SLC6A3: variants seen among roughly 807,000 people sequenced by gnomAD.
SLC6A3 encodes the protein solute carrier family 6 member 3.
Under a neutral mutation model 70.4 loss-of-function variants are expected in SLC6A3, and 19 were observed. The ratio of observed to expected loss-of-function variants is 0.27; its 90% CI spans 0.19 to 0.40. The LOEUF is 0.40. Ranked by LOEUF, SLC6A3 falls within the 10% of genes least tolerant of loss-of-function variation. The probability of loss-of-function intolerance (pLI) is 1.00; values close to 1 mark genes in which losing one functional copy is unlikely to be tolerated. For missense variants in SLC6A3, 613 were observed against 838.5 expected (o/e 0.73, Z 3.32); for synonymous variants, 368 against 356.6 (o/e 1.03, Z -0.36).
At chr5:1,420,840 G>T in intron 5 of SLC6A3, 137 bp from the exon 6 acceptor site, 1 of 873,890 alleles carries the variant, frequency 1.1e-6, no homozygotes, top group Non-Finnish European at 1.9e-6. Flanking sequence ...TTCCTGGGAC[G>T]CCAGCTCAGC....
In SLC6A3 at chr5:1,420,592, A is replaced by T; in HGVS notation, c.904T>A (p.Phe302Ile). 6.2e-7 allele frequency: 1 copy of T among 1,613,562 alleles called. No homozygotes were observed. ...ACAGACGCCTCGCAGAGCCGGTAGA[A>T]GTCAACGCTCAGGTATGCTCTGATG... ...DGIRAYLSVDFYRLCEASVWI... is the reference protein window; with the variant it reads ...DGIRAYLSVDIYRLCEASVWI... The change falls in exon 6 of 15, where the codon TTC becomes ATC. Residue 302 changes from phenylalanine (F) to isoleucine (I), a missense_variant. Phe to Ile is a conservative substitution (Grantham distance 21). This residue lies in a region of SLC6A3 where 348 missense variants were observed against 481.2 expected (regional missense o/e 0.72). Coordinates refer to ENST00000270349, the MANE Select transcript of SLC6A3 (RefSeq NM_001044.5).
rs766922265 is a variant in SLC6A3, at chr5:1,405,981, T to C, written c.1599+207A>G. Among the ~76,000 whole-genome samples, 16 of 152,146 alleles carry C rather than the reference T, an allele frequency of 1.1e-4. No homozygotes were observed. The highest frequency in any genetic ancestry group is 1.9e-4 in the East Asian group (1 of 5,178). The stretch of plus-strand genomic sequence containing the variant: ...GGGGTCCAAGACCATGTGAGGTTTT[T>C]TCGGTGGGTCTAGAGGGGAGGGTGG... On this transcript the variant is annotated intron_variant, in intron 12 of 14. Transcript: ENST00000270349. This position sits in a 1 kb window ranked among gnomAD's most constrained non-coding sequence, Gnocchi z 5.3.
At chr5:1,417,278 G>T (rs1756325932) in intron 6 of SLC6A3, among the ~76,000 whole-genome samples, 3 of 151,078 alleles carry the variant, frequency 2.0e-5, no homozygotes, top group Admixed American at 6.6e-5. Flanking sequence ...TCATCCTGAG[G>T]CTACATGATG....
At chr5:1,395,990 C>T (rs1046628130) in intron 14 of SLC6A3, among the ~76,000 whole-genome samples, 3 of 152,172 alleles carry the variant, frequency 2.0e-5, no homozygotes, top group Non-Finnish European at 2.9e-5. Context: ...CTCAATTTGA[C>T]CCCAAAGGAC....
chr5:1,433,716 T>C (rs638577), intron 3 of SLC6A3, among the ~76,000 whole-genome samples: 46,997 of 149,700 alleles, frequency 0.31, 8,199 homozygotes, highest in East Asian at 0.52. Flanking sequence ...CAACTATCCA[T>C]GGTCATCCAT....
Position 1,402,746 on chromosome 5 carries a change from G to A in SLC6A3, c.1767+176C>T, listed in dbSNP as rs558596179. 6.6e-6 allele frequency among the ~76,000 whole-genome samples: 1 copy of A among 152,188 alleles called. No homozygotes were observed. The highest frequency in any genetic ancestry group is 1.9e-4 in the East Asian group (1 of 5,180). ...CATATGGACGCACACCCATGGGCCC[G>A]GGCGTGCAGGTGGACACACACACGC... On this transcript the variant is annotated intron_variant, in intron 13 of 14. Coordinates refer to ENST00000270349, the MANE Select transcript of SLC6A3 (RefSeq NM_001044.5). This position sits in a 1 kb window ranked among gnomAD's most constrained non-coding sequence, Gnocchi z 8.5.
Position 1,393,368 on chromosome 5 carries a change from A to G in SLC6A3, c.*1367T>C, listed in dbSNP as rs1755626931. On this transcript the variant is annotated 3_prime_UTR_variant, in exon 15 of 15. Transcript: ENST00000270349. ...AGTATTGCTAATTATTCTTGTAAAC[A>G]AAAACTGCAATATCAGCAAGCAGGC... 1 of 152,614 alleles carries G rather than the reference A, an allele frequency of 6.6e-6. No homozygotes were observed. The highest frequency in any genetic ancestry group is 2.1e-4 in the South Asian group (1 of 4,844). The allele number at this position is 152,614 out of a possible 1,614,324, so 9.5% of individuals were successfully genotyped here. A position where few individuals can be genotyped will look rare whatever the true frequency, so the allele number is the denominator to read the frequency against.
At chr5:1,428,296 A>G (rs1461886151) in intron 4 of SLC6A3, among the ~76,000 whole-genome samples, 1 of 152,236 alleles carries the variant, frequency 6.6e-6, no homozygotes, top group Non-Finnish European at 1.5e-5. Context: ...TTTGAACTGA[A>G]TGAAATGAAA....
rs1288263690 is a variant in SLC6A3 at position 1,442,654 on chromosome 5, C to T, written c.286+258G>A. ...AGAGCCAAGCTGCCCCGTCTGCCGCCCCCCACCCCCCAGCTTCTTCGCGGG... is the reference window on the plus strand; with the variant it reads ...AGAGCCAAGCTGCCCCGTCTGCCGCTCCCCACCCCCCAGCTTCTTCGCGGG... On this transcript the variant is annotated intron_variant, in intron 2 of 14. Coordinates refer to ENST00000270349, the MANE Select transcript of SLC6A3 (RefSeq NM_001044.5). This position sits in a 1 kb window ranked among gnomAD's most constrained non-coding sequence, Gnocchi z 5.0. 6.6e-6 allele frequency among the ~76,000 whole-genome samples: 1 copy of T among 152,076 alleles called. No homozygotes were observed. Among genetic ancestry groups the T allele is most frequent in the Non-Finnish European group, 1.5e-5 (1 of 67,996 alleles).
In SLC6A3 at chr5:1,396,428, C is replaced by T. The variant is rs1755720973; in HGVS notation, c.1840-1670G>A. On this transcript the variant is annotated intron_variant, in intron 14 of 14. Coordinates refer to ENST00000270349, the MANE Select transcript of SLC6A3 (RefSeq NM_001044.5). The surrounding 1 kb of genome is among the most constrained non-coding windows in gnomAD (Gnocchi z 7.0). ...GCCAACAAGGAGGCCCCCCTGCCAC[C>T]CTGCTCGCTGCCTCGAGGGAGTTTC... Among the ~76,000 whole-genome samples, 1 of 152,212 alleles carries T rather than the reference C, an allele frequency of 6.6e-6. No individual in the cohort carries two copies.
At chr5:1,422,424 G>C (rs546273005) in intron 4 of SLC6A3, among the ~76,000 whole-genome samples, 1 of 141,578 alleles carries the variant, frequency 7.1e-6, no homozygotes, top group Non-Finnish European at 1.5e-5. Context: ...TGCTGCCCAC[G>C]CTGCTGGGTA....
intron 3 of SLC6A3, among the ~76,000 whole-genome samples, chr5:1,434,145 C>G (rs1042389354): frequency 2.0e-5 from 3 of 152,238 alleles, no homozygotes; most frequent in Non-Finnish European, 4.4e-5. Flanking sequence ...GTGGAGCCAT[C>G]CAAGGTCACA....
intron 3 of SLC6A3, among the ~76,000 whole-genome samples, chr5:1,434,774 T>C (rs931542238): frequency 2.6e-5 from 4 of 152,264 alleles, no homozygotes; most frequent in East Asian, 3.9e-4. Flanking sequence ...TTGCAGGGGG[T>C]GGCCTGGGTT....
At position 1,408,371 on chromosome 5, in the gene SLC6A3, G is replaced by A. The variant is rs941654841; in HGVS notation, c.1498+655C>T. 7.9e-5 allele frequency among the ~76,000 whole-genome samples: 12 copies of A among 151,946 alleles called. No homozygotes were observed. The highest frequency in any genetic ancestry group is 2.0e-4 in the Admixed American group (3 of 15,258). On this transcript the variant is annotated intron_variant, in intron 11 of 14. Coordinates refer to ENST00000270349, the MANE Select transcript of SLC6A3 (RefSeq NM_001044.5). The surrounding 1 kb of genome is among the most constrained non-coding windows in gnomAD (Gnocchi z 6.4). ...CATTCATGGCGAGATGCCCTGGCTC[G>A]GCCTCGCCACTTCCCTGGAAGTGAG...
chr5:1,416,467 T>A (rs1756294019), intron 6 of SLC6A3: 2 of 560,136 alleles, frequency 3.6e-6, no homozygotes, highest in South Asian at 4.0e-5. Flanking sequence ...AAGGCAGCGA[T>A]TCCACAGAAC....
chr5:1,410,734 C>G, intron 9 of SLC6A3, among the ~76,000 whole-genome samples: 1 of 152,188 alleles, frequency 6.6e-6, no homozygotes, highest in East Asian at 1.9e-4. Context: ...TCCAAGGCCC[C>G]ACCACTCTGG....
intron 3 of SLC6A3, among the ~76,000 whole-genome samples, chr5:1,439,892 G>C (rs1210266936): frequency 6.6e-6 from 1 of 152,180 alleles, no homozygotes. Context: ...GCTCTGATGG[G>C]GACACCAGGG....
chr5:1,445,181 G>T (rs917071302), intron 1 of SLC6A3, among the ~76,000 whole-genome samples, 167 bp downstream of exon 1: 6 of 152,152 alleles, frequency 3.9e-5, no homozygotes, highest in Non-Finnish European at 8.8e-5. Flanking sequence ...TGGCGCTATC[G>T]GGGGGCGCTC....
At position 1,406,789 on chromosome 5, in the gene SLC6A3, G is replaced by C. The variant is rs748396712; in HGVS notation, c.1499-501C>G. 1.3e-5 allele frequency among the ~76,000 whole-genome samples: 2 copies of C among 149,016 alleles called. No homozygotes were observed. Among genetic ancestry groups the C allele is most frequent in the Non-Finnish European group, 3.0e-5 (2 of 65,922 alleles). ...AAATGAAATTCTGCCCTCATGAAAC[G>C]CCAACTCCTCCCGACCCCCAACCCC... is the stretch of plus-strand genomic sequence containing the variant. On this transcript the variant is annotated intron_variant, in intron 11 of 14. Transcript: ENST00000270349. This position sits in a 1 kb window ranked among gnomAD's most constrained non-coding sequence, Gnocchi z 8.8.
Sources: gnomAD v4.1 joint callset for allele counts (sites outside exome capture counted in the v4.1 genomes callset) on GRCh38, gnomAD v4.1.1 for gene constraint, gnomAD v4.1.1 regional missense constraint, Gnocchi (gnomAD v3.1) non-coding constraint, MANE v1.5 for transcripts, NCBI Gene and HGNC (gene_info 2026-07-23, HGNC 2026-07-21) for gene names.